SHB: variants seen among roughly 807,000 people sequenced by gnomAD.
SHB encodes SH2 domain-containing adapter protein B.
Under a neutral mutation model 52.3 loss-of-function variants are expected in SHB, and 20 were observed. The observed-to-expected ratio is 0.38, with a 90% CI of 0.27 to 0.56. The LOEUF is 0.56. Among genes scored for constraint, SHB ranks in the 20% least tolerant of loss-of-function variants. The pLI is 0.71. For missense variants in SHB, 825 were observed against 723.3 expected, an observed-to-expected ratio of 1.14 and a Z score of -1.61; for synonymous variants, 397 against 316.5, an observed-to-expected ratio of 1.25 and a Z score of -2.70.
At chr9:37,959,535 G>C (rs781706124) in intron 3 of SHB, among the ~76,000 whole-genome samples, 5 of 152,158 alleles carry the variant, frequency 3.3e-5, no homozygotes, top group Admixed American at 6.5e-5. Flanking sequence ...CTGACATCCT[G>C]GGGCTCCACT....
chr9:37,944,744 C>G (rs1223803344), intron 5 of SHB, among the ~76,000 whole-genome samples: 4 of 152,158 alleles, frequency 2.6e-5, no homozygotes, highest in Non-Finnish European at 4.4e-5. Context: ...ACCTCCATGG[C>G]TCTGCCTGGG....
At chr9:37,967,360 T>C (rs896465101) in intron 3 of SHB, among the ~76,000 whole-genome samples, 11 of 152,222 alleles carry the variant, frequency 7.2e-5, no homozygotes, top group Non-Finnish European at 1.5e-4. Flanking sequence ...TAGCCTCATT[T>C]GATGAGGCTT....
intron 1 of SHB, among the ~76,000 whole-genome samples, chr9:38,039,479 C>T (rs1281721010): frequency 1.2e-4 from 19 of 152,230 alleles, no homozygotes; most frequent in Admixed American, 1.2e-3. Context: ...CCAAGCACAC[C>T]CATCCCACTT....
intron 5 of SHB, among the ~76,000 whole-genome samples, chr9:37,943,779 G>A (rs1832460759): frequency 6.6e-6 from 1 of 152,184 alleles, no homozygotes; most frequent in Non-Finnish European, 1.5e-5. Context: ...CCTCCCTGCT[G>A]TCTGCCCCCA....
chr9:37,988,713 G>A (rs1820841861), intron 2 of SHB, among the ~76,000 whole-genome samples: 1 of 152,134 alleles, frequency 6.6e-6, no homozygotes. Flanking sequence ...GAGTGTTTCT[G>A]GATGACATCA....
intron 1 of SHB, among the ~76,000 whole-genome samples, chr9:38,067,728 G>A (rs1272011705): frequency 6.6e-6 from 1 of 152,324 alleles, no homozygotes; most frequent in East Asian, 1.9e-4. Context: ...AAGCAGCGGC[G>A]AAAGAGGTGG....
chr9:37,940,774 T>C (rs1018363911), intron 5 of SHB, among the ~76,000 whole-genome samples: 2 of 152,210 alleles, frequency 1.3e-5, no homozygotes, highest in Admixed American at 1.3e-4. Context: ...AACCCCAAGA[T>C]TTCTGCTTAG....
Position 37,952,781 on chromosome 9 carries a change from C to A in SHB, c.1226+3102G>T, listed in dbSNP as rs148023197. On this transcript the variant is annotated intron_variant, in intron 4 of 5. Coordinates refer to ENST00000377707, the MANE Select transcript of SHB (RefSeq NM_003028.3). Reference sequence around the variant, plus strand: ...GAACCATAACTAGTTAGATGTGACACCGTTTATGGAGGTGCGGAAGCTGGG... The same window carrying A: ...GAACCATAACTAGTTAGATGTGACAACGTTTATGGAGGTGCGGAAGCTGGG... Among the ~76,000 whole-genome samples, 962 of 152,014 alleles carry A rather than the reference C, an allele frequency of 6.3e-3. 4 individuals carry two copies. Among genetic ancestry groups the A allele is most frequent in the Middle Eastern group, 0.017 (5 of 294 alleles).
chr9:38,029,516 G>T (rs1023287533), intron 1 of SHB, among the ~76,000 whole-genome samples: 1 of 151,832 alleles, frequency 6.6e-6, no homozygotes, highest in Non-Finnish European at 1.5e-5. Flanking sequence ...TTTTTAGATG[G>T]AATCTCGCTC....
intron 3 of SHB, among the ~76,000 whole-genome samples, chr9:37,965,715 A>C (rs141363705): frequency 1.2e-4 from 18 of 151,882 alleles, no homozygotes; most frequent in African/African-American, 4.1e-4. Flanking sequence ...AGCTGGGATT[A>C]TAGGTGCCTG....
chr9:37,987,210 C>G (rs1394211510), intron 2 of SHB, among the ~76,000 whole-genome samples: 1 of 152,208 alleles, frequency 6.6e-6, no homozygotes, highest in East Asian at 1.9e-4. Context: ...GGGCCAACAT[C>G]GCAAAAACTC....
In SHB at chr9:37,918,111, C is replaced by T. The variant is rs1016663309; in HGVS notation, c.*1710G>A. On this transcript the variant is annotated 3_prime_UTR_variant, in exon 6 of 6. Transcript: ENST00000377707. The stretch of plus-strand genomic sequence containing the variant: ...CGCTGATGTCTGAACCTGCTGATGA[C>T]ATTCAAACTCGGCCCCTTGTGCTCT... Among the ~76,000 whole-genome samples the T allele has an allele frequency of 5.9e-5, 9 of 152,372 alleles. No homozygotes were observed. The South Asian group carries it at 8.3e-4, about 14-fold the overall frequency.
chr9:38,051,336 G>A (rs932231491), intron 1 of SHB, among the ~76,000 whole-genome samples: 1 of 151,758 alleles, frequency 6.6e-6, no homozygotes, highest in African/African-American at 2.4e-5. Flanking sequence ...TCAGCTACTC[G>A]GGAGGCTGAG....
At chr9:38,057,311 C>CATAT (rs565265398) in intron 1 of SHB, among the ~76,000 whole-genome samples, 2 of 151,724 alleles carry the variant, frequency 1.3e-5, no homozygotes, top group African/African-American at 4.8e-5. Context: ...GAAAAATAAA[C>CATAT]ATATATATAT....
chr9:38,060,725 C>T (rs1456719105), intron 1 of SHB, among the ~76,000 whole-genome samples: 1 of 152,176 alleles, frequency 6.6e-6, no homozygotes, highest in East Asian at 1.9e-4. Context: ...ATACCTCCTC[C>T]TCACCCTGCA....
rs192150752 is a variant in SHB, at chr9:38,023,817, T to G, written c.718-7686A>C. Among the ~76,000 whole-genome samples the G allele has an allele frequency of 2.2e-3, 336 of 151,868 alleles. 1 individual carries two copies. Among genetic ancestry groups the G allele is most frequent in the Non-Finnish European group, 3.3e-3 (221 of 67,940 alleles). Reference sequence around the variant, plus strand: ...GGCCAGCATCCAGGGCCCTGAGGGGTCCACAGCACCAGGCTGTTACACCAC... The same window carrying G: ...GGCCAGCATCCAGGGCCCTGAGGGGGCCACAGCACCAGGCTGTTACACCAC... On this transcript the variant is annotated intron_variant, in intron 1 of 5. Coordinates refer to ENST00000377707, the MANE Select transcript of SHB (RefSeq NM_003028.3).
intron 5 of SHB, among the ~76,000 whole-genome samples, chr9:37,944,705 GCCC>G (rs1318378699): frequency 6.6e-6 from 1 of 152,124 alleles, no homozygotes; most frequent in Non-Finnish European, 1.5e-5. Context: ...TCTTCTGGGA[GCCC>G]CCGAGACCCG....
At chr9:38,005,519 C>A (rs1398946085) in intron 2 of SHB, among the ~76,000 whole-genome samples, 1 of 152,184 alleles carries the variant, frequency 6.6e-6, no homozygotes, top group Admixed American at 6.5e-5. Context: ...CCTTGCATCA[C>A]CAGGCAGTGA....
At chr9:37,954,818 T>C (rs1368466471) in intron 4 of SHB, among the ~76,000 whole-genome samples, 1 of 152,084 alleles carries the variant, frequency 6.6e-6, no homozygotes, top group Non-Finnish European at 1.5e-5. Flanking sequence ...GTGGAGCCAC[T>C]GAAGGTTTCA....
Sources: allele counts gnomAD v4.1 joint callset (sites outside exome capture counted in the v4.1 genomes callset), GRCh38; gene constraint gnomAD v4.1.1; transcripts MANE v1.5; gene names NCBI Gene and HGNC (gene_info 2026-07-23, HGNC 2026-07-21).